STOX2: variants seen among roughly 807,000 people sequenced by gnomAD.
STOX2 encodes storkhead-box protein 2.
In STOX2, 28 loss-of-function variants were observed where a neutral mutation model predicts 60.9. The ratio of observed to expected loss-of-function variants is 0.46; its 90% CI spans 0.34 to 0.63. The LOEUF (loss-of-function observed/expected upper bound fraction) is 0.63, where lower values mean the gene tolerates loss of function less well. Among genes scored for constraint, STOX2 ranks in the 30% least tolerant of loss-of-function variants. The pLI is 0.01. For missense variants in STOX2, 1,024 were observed against 1,187.7 expected (o/e 0.86, Z 2.03); for synonymous variants, 472 against 463.9 (o/e 1.02, Z -0.22).
intron 1 of STOX2, among the ~76,000 whole-genome samples, chr4:183,860,088 C>CT (rs34734140): frequency 0.33 from 49,324 of 149,378 alleles, 8,870 homozygotes; most frequent in East Asian, 0.57. Context: ...AAATCATATT[C>CT]TTTTTTTTTT....
chr4:183,834,867 A>G (rs976799438), intron 1 of STOX2, among the ~76,000 whole-genome samples: 1 of 152,220 alleles, frequency 6.6e-6, no homozygotes, highest in African/African-American at 2.4e-5. Context: ...TGGAAGAGAC[A>G]GGTAATCTTT....
chr4:184,016,598 A>G (rs913075648), intron 3 of STOX2, among the ~76,000 whole-genome samples: 27 of 152,216 alleles, frequency 1.8e-4, no homozygotes, highest in African/African-American at 6.3e-4. Context: ...GGTCCCCCAA[A>G]AAAGGGCATG....
chr4:184,016,982 C>A, intron 3 of STOX2, 107 bp from the exon 4 acceptor site: 3 of 916,030 alleles, frequency 3.3e-6, no homozygotes, highest in Non-Finnish European at 4.8e-6. Flanking sequence ...ACATTATGAA[C>A]CAACAGAGGA....
chr4:183,880,462 CTG>C (rs372509327), intron 1 of STOX2, among the ~76,000 whole-genome samples: 89 of 152,286 alleles, frequency 5.8e-4, no homozygotes, highest in African/African-American at 1.9e-3. Context: ...AGGAGAAAAA[CTG>C]TGAATTTTGC....
chr4:184,003,020 G>A (rs6814651), intron 2 of STOX2, among the ~76,000 whole-genome samples: 145,956 of 152,336 alleles, frequency 0.96, 70,203 homozygotes, highest in East Asian at 1. Flanking sequence ...CTGATTGCCT[G>A]TCTCTTTTTG....
At chr4:184,005,970 A>C (rs965516301) in intron 2 of STOX2, among the ~76,000 whole-genome samples, 5 of 152,124 alleles carry the variant, frequency 3.3e-5, no homozygotes, top group African/African-American at 1.2e-4. Context: ...AAATAGAAAA[A>C]TTTTTCTCTA....
chr4:183,999,118 A>AT (rs1031423852), intron 1 of STOX2, among the ~76,000 whole-genome samples: 7 of 152,304 alleles, frequency 4.6e-5, no homozygotes, highest in Admixed American at 1.3e-4. Flanking sequence ...AGGAAAAAAA[A>AT]GGATATGACA....
At chr4:183,951,692 C>T (rs1377952908) in intron 1 of STOX2, among the ~76,000 whole-genome samples, 1 of 152,076 alleles carries the variant, frequency 6.6e-6, no homozygotes, top group Non-Finnish European at 1.5e-5. Context: ...GTAATCCCAG[C>T]ACTTTGGGAA....
intron 1 of STOX2, among the ~76,000 whole-genome samples, chr4:183,855,380 G>A (rs746813441): frequency 6.6e-6 from 1 of 152,174 alleles, no homozygotes; most frequent in South Asian, 2.1e-4. Flanking sequence ...TGTGAAAGGG[G>A]CCGTGAGCCT....
At chr4:183,888,571 G>C (rs951960820) in intron 1 of STOX2, among the ~76,000 whole-genome samples, 1 of 152,182 alleles carries the variant, frequency 6.6e-6, no homozygotes, top group Non-Finnish European at 1.5e-5. Context: ...GTGAGGGCTC[G>C]AGGCTGGTAC....
At chr4:183,993,162 T>C (rs1391405945) in intron 1 of STOX2, among the ~76,000 whole-genome samples, 1 of 152,242 alleles carries the variant, frequency 6.6e-6, no homozygotes, top group Non-Finnish European at 1.5e-5. Flanking sequence ...TGCTCTACCC[T>C]TTCTGCCTTA....
intron 1 of STOX2, among the ~76,000 whole-genome samples, chr4:183,826,422 C>T (rs1056596426): frequency 7.2e-5 from 11 of 152,302 alleles, no homozygotes; most frequent in Non-Finnish European, 1.5e-4. Flanking sequence ...TCCCTGTCCC[C>T]GTCACTGGCC....
At chr4:183,849,745 C>G (rs746558972) in intron 1 of STOX2, among the ~76,000 whole-genome samples, 1 of 151,930 alleles carries the variant, frequency 6.6e-6, no homozygotes, top group Non-Finnish European at 1.5e-5. Context: ...AGTGAGATTG[C>G]GAAGGGAGAG....
At position 184,011,734 on chromosome 4, in the gene STOX2, A is replaced by C; in HGVS notation, c.2585+311A>C. The C allele has an allele frequency of 1.1e-6, 1 of 888,906 alleles. No individual in the cohort carries two copies. Among genetic ancestry groups the C allele is most frequent in the Non-Finnish European group, 1.5e-6 (1 of 649,296 alleles). The allele number at this position is 888,906 out of a possible 1,614,324, so 55.1% of individuals were successfully genotyped here. The stretch of plus-strand genomic sequence containing the variant: ...CTACGTTCATATTGCCACCCATGCT[A>C]AGAGAAGGATGTTTTTTAAGTCCTT... On this transcript the variant is annotated intron_variant, in intron 3 of 3. Transcript: ENST00000308497. This position sits in a 1 kb window ranked among gnomAD's most constrained non-coding sequence, Gnocchi z 4.4.
chr4:183,814,567 T>A (rs1222379299), intron 1 of STOX2, among the ~76,000 whole-genome samples: 1 of 152,158 alleles, frequency 6.6e-6, no homozygotes, highest in Admixed American at 6.5e-5. Context: ...AACTGGTAAT[T>A]TGCAAATTTT....
intron 1 of STOX2, among the ~76,000 whole-genome samples, chr4:183,948,540 C>CTTTTTTTTTTTT (rs10687778): frequency 2.6e-4 from 20 of 78,180 alleles, no homozygotes; most frequent in Non-Finnish European, 3.4e-4. Context: ...ATGCCTTATC[C>CTTTTTTTTTTTT]TTTTTTTTTT....
At chr4:183,921,016 T>C (rs1742086301) in intron 1 of STOX2, among the ~76,000 whole-genome samples, 1 of 152,282 alleles carries the variant, frequency 6.6e-6, no homozygotes, top group Non-Finnish European at 1.5e-5. Flanking sequence ...TCTCTTGTAT[T>C]TTTCTTGACT....
chr4:183,922,237 G>T (rs11735811), intron 1 of STOX2, among the ~76,000 whole-genome samples: 1 of 151,792 alleles, frequency 6.6e-6, no homozygotes, highest in Non-Finnish European at 1.5e-5. Flanking sequence ...TGTTCCTCAG[G>T]TGCAAATATT....
At chr4:183,874,288 C>T (rs1456927950) in intron 1 of STOX2, among the ~76,000 whole-genome samples, 2 of 152,128 alleles carry the variant, frequency 1.3e-5, no homozygotes, top group Non-Finnish European at 2.9e-5. Flanking sequence ...AAAAGTGACC[C>T]TTTTGCATGC....
Sources: gnomAD v4.1 joint callset for allele counts (sites outside exome capture counted in the v4.1 genomes callset) on GRCh38, gnomAD v4.1.1 for gene constraint, Gnocchi (gnomAD v3.1) non-coding constraint, MANE v1.5 for transcripts, NCBI Gene and HGNC (gene_info 2026-07-23, HGNC 2026-07-21) for gene names.